Variants in GCNT1 observed in about 807,000 individuals in gnomAD.
The protein encoded by GCNT1 is beta-1,3-galactosyl-O-glycosyl-glycoprotein beta-1,6-N-acetylglucosaminyltransferase.
GCNT1 carries 16 observed loss-of-function variants against 26.2 expected under a neutral mutation model. The ratio of observed to expected loss-of-function variants is 0.61; its 90% CI spans 0.41 to 0.93. The LOEUF (loss-of-function observed/expected upper bound fraction) is 0.93. Among genes scored for constraint, GCNT1 ranks in the 40% least tolerant of loss-of-function variants. The pLI is 0.00. For synonymous variants in GCNT1, 183 were observed against 190.8 expected (o/e 0.96, Z 0.34); for missense variants, 477 against 526.7 (o/e 0.91, Z 0.92).
chr9:76,405,533 GCTTTA>G, the GCNT1 span, among the ~76,000 whole-genome samples: 1 of 152,104 alleles, frequency 6.6e-6, no homozygotes, highest in Non-Finnish European at 1.5e-5. Context: ...AATCCTCTGT[GCTTTA>G]CTTATTCATC....
intron 2 of GCNT1, among the ~76,000 whole-genome samples, chr9:76,485,831 C>A (rs150760855): frequency 1.3e-5 from 2 of 152,078 alleles, no homozygotes; most frequent in Non-Finnish European, 2.9e-5. Context: ...CTCCCAGGTT[C>A]AAGTGATTCT....
At chr9:76,462,268 G>GT (rs1349708788) in intron 2 of GCNT1, among the ~76,000 whole-genome samples, 1 of 152,154 alleles carries the variant, frequency 6.6e-6, no homozygotes, top group Non-Finnish European at 1.5e-5. Flanking sequence ...TAAAAAGGGA[G>GT]TTCCCAAATG....
upstream of GCNT1, among the ~76,000 whole-genome samples, chr9:76,438,279 G>A (rs983478263): frequency 2.0e-5 from 3 of 152,178 alleles, no homozygotes; most frequent in African/African-American, 7.2e-5. Flanking sequence ...AGGGAGGTGT[G>A]GGGGGTGGCT....
intron 2 of GCNT1, among the ~76,000 whole-genome samples, chr9:76,479,430 C>T (rs530534824): frequency 3.3e-5 from 5 of 152,326 alleles, no homozygotes; most frequent in East Asian, 1.9e-4. Context: ...CCTGAGGAAT[C>T]GCCACACTGT....
chr9:76,501,624 A>G (rs137887460), intron 3 of GCNT1: 2 of 152,196 alleles, frequency 1.3e-5, no homozygotes, highest in African/African-American at 4.8e-5. Context: ...TTTCAATCCA[A>G]TTTGAAAATT....
At chr9:76,410,837 A>G in the GCNT1 span, among the ~76,000 whole-genome samples, 2 of 152,158 alleles carry the variant, frequency 1.3e-5, no homozygotes, top group African/African-American at 4.8e-5. Context: ...TTGTATTCCT[A>G]TCAGTTTTTG....
chr9:76,409,346 G>A, the GCNT1 span, among the ~76,000 whole-genome samples: 16 of 151,998 alleles, frequency 1.1e-4, no homozygotes, highest in African/African-American at 3.9e-4. Flanking sequence ...TTTTTTCTTG[G>A]TTAGCCTGGC....
chr9:76,499,970 G>A (rs965496920), intron 2 of GCNT1, among the ~76,000 whole-genome samples: 1 of 151,760 alleles, frequency 6.6e-6, no homozygotes, highest in Non-Finnish European at 1.5e-5. Context: ...TACCATACTC[G>A]TGCTTTCTTT....
At chr9:76,402,531 A>G in the GCNT1 span, among the ~76,000 whole-genome samples, 1 of 152,228 alleles carries the variant, frequency 6.6e-6, no homozygotes, top group African/African-American at 2.4e-5. Flanking sequence ...AACCCAAAAG[A>G]AAACAGAGAG....
At chr9:76,483,692 C>A (rs1218928466) in intron 2 of GCNT1, among the ~76,000 whole-genome samples, 1 of 151,790 alleles carries the variant, frequency 6.6e-6, no homozygotes, top group Non-Finnish European at 1.5e-5. Flanking sequence ...CAAAGTGCTA[C>A]GATAACAGGC....
chr9:76,396,327 C>T, the GCNT1 span, among the ~76,000 whole-genome samples: 4 of 152,156 alleles, frequency 2.6e-5, no homozygotes, highest in African/African-American at 7.2e-5. Context: ...TGGTGGCTTA[C>T]GCCTGTAATC....
At chr9:76,459,407 G>T (rs1823823546) in intron 1 of GCNT1, 102 bp downstream of exon 1, 2 of 152,328 alleles carry the variant, frequency 1.3e-5, no homozygotes, top group African/African-American at 4.8e-5. Flanking sequence ...AGTGCCCCGT[G>T]GCCCCGGGCG....
chr9:76,449,364 T>C lies in GCNT1; in HGVS notation c.-290+7049T>C, dbSNP rs1823627995. On this transcript the variant is annotated intron_variant, in intron 1 of 2. Coordinates refer to the GCNT1 transcript ENST00000442371. ...ATAATAGTAAAAGTAAAAAAGAATG[T>C]GCCACCTCAAAACATGCCATATTGG... 2.0e-5 allele frequency among the ~76,000 whole-genome samples: 3 copies of C among 151,882 alleles called. No homozygotes were observed. In the South Asian group the frequency reaches 6.2e-4, roughly 31 times the overall value.
At chr9:76,452,586 G>A (rs561089357) in intron 1 of GCNT1, among the ~76,000 whole-genome samples, 6 of 152,160 alleles carry the variant, frequency 3.9e-5, no homozygotes, top group Non-Finnish European at 5.9e-5. Context: ...CATCTTACAC[G>A]GCTGGAGCAG....
intron 1 of GCNT1, among the ~76,000 whole-genome samples, chr9:76,427,018 G>A (rs186111940): frequency 6.6e-6 from 1 of 152,252 alleles, no homozygotes; most frequent in Admixed American, 6.5e-5. Flanking sequence ...AGAATTGACT[G>A]TGTTAGTTAA....
the GCNT1 span, among the ~76,000 whole-genome samples, chr9:76,404,202 A>G: frequency 6.6e-6 from 1 of 152,150 alleles, no homozygotes; most frequent in African/African-American, 2.4e-5. Flanking sequence ...AAATTATTTC[A>G]GTTTGTCTTC....
Position 76,505,154 on chromosome 9 carries a change from G to A in GCNT1, c.*1486G>A, listed in dbSNP as rs1234338472. ...TAAACAAGAATTAAAATCATGTGCT[G>A]TATTTTTAAAATCTAGCCAAATTAA... On this transcript the variant is annotated 3_prime_UTR_variant, in exon 4 of 4. Coordinates refer to ENST00000376730, the MANE Select transcript of GCNT1 (RefSeq NM_001490.5). 7.4e-6 allele frequency: 3 copies of A among 403,692 alleles called. No individual in the cohort carries two copies. The highest frequency in any genetic ancestry group is 1.4e-4 in the South Asian group (1 of 6,952). 25.0% of individuals were successfully genotyped at this position (403,692 alleles called of 1,614,324 possible).
chr9:76,426,177 T>C lies in GCNT1; in HGVS notation n.38+6290T>C, dbSNP rs189029897. Among the ~76,000 whole-genome samples, 400 of 152,286 alleles carry C rather than the reference T, an allele frequency of 2.6e-3. 1 individual carries two copies. The highest frequency in any genetic ancestry group is 9.3e-3 in the African/African-American group (386 of 41,562). On this transcript the variant is annotated intron_variant and non_coding_transcript_variant, in intron 1 of 3. Coordinates refer to the GCNT1 transcript ENST00000488136. ...CAAACTTAAACAATAAACTAAGTTC[T>C]CCCCAAAGTTAGTTCGTCCTGCGCT...
At chr9:76,404,829 T>C in the GCNT1 span, among the ~76,000 whole-genome samples, 1 of 152,110 alleles carries the variant, frequency 6.6e-6, no homozygotes, top group Non-Finnish European at 1.5e-5. Context: ...CATCTTTTTT[T>C]TTTTTTTAAA....
Sources: allele counts gnomAD v4.1 joint callset (sites outside exome capture counted in the v4.1 genomes callset), GRCh38; gene constraint gnomAD v4.1.1; transcripts MANE v1.5; gene names NCBI Gene and HGNC (gene_info 2026-07-23, HGNC 2026-07-21).